Variants in NEGR1 observed in about 807,000 individuals in gnomAD.
NEGR1 encodes the protein neuronal growth regulator 1.
In NEGR1, 10 loss-of-function variants were observed where a neutral mutation model predicts 40.9. That is an observed-to-expected ratio of 0.24 (90% CI 0.15 to 0.42). NEGR1 has a LOEUF of 0.42. Ranked by LOEUF, NEGR1 falls within the 10% of genes least tolerant of loss-of-function variation. NEGR1 has a pLI of 1.00. For synonymous variants in NEGR1, 185 were observed against 166.8 expected (o/e 1.11, Z -0.84); for missense variants, 352 against 438.9 (o/e 0.80, Z 1.77).
chr1:71,796,738 C>T (rs1363443560), intron 2 of NEGR1, among the ~76,000 whole-genome samples: 1 of 152,138 alleles, frequency 6.6e-6, no homozygotes, highest in East Asian at 1.9e-4. Flanking sequence ...TACTTCTTTA[C>T]AATCTCTTTA....
chr1:71,886,916 T>G (rs1256008262), intron 2 of NEGR1, among the ~76,000 whole-genome samples: 1 of 152,136 alleles, frequency 6.6e-6, no homozygotes, highest in African/African-American at 2.4e-5. Flanking sequence ...GTGCAAAATA[T>G]AATTGACCCT....
At chr1:71,762,472 A>C (rs1187994060) in intron 3 of NEGR1, among the ~76,000 whole-genome samples, 2 of 152,094 alleles carry the variant, frequency 1.3e-5, no homozygotes, top group Non-Finnish European at 2.9e-5. Flanking sequence ...CTGAAAAATA[A>C]AAAGATGGAA....
chr1:72,276,767 A>G (rs1656062084), intron 1 of NEGR1, among the ~76,000 whole-genome samples: 1 of 152,172 alleles, frequency 6.6e-6, no homozygotes, highest in Non-Finnish European at 1.5e-5. Context: ...AAATCACAAA[A>G]ACTACCACTT....
chr1:71,730,515 GT>G (rs998539022), intron 3 of NEGR1, among the ~76,000 whole-genome samples: 22 of 143,094 alleles, frequency 1.5e-4, no homozygotes, highest in Non-Finnish European at 2.9e-4. Flanking sequence ...GAATATATAT[GT>G]TTTATATATA....
At chr1:71,773,728 A>C (rs1388045620) in intron 3 of NEGR1, among the ~76,000 whole-genome samples, 1 of 152,156 alleles carries the variant, frequency 6.6e-6, no homozygotes, top group Non-Finnish European at 1.5e-5. Context: ...ATTTATGCTA[A>C]TTTTACTCAT....
intron 4 of NEGR1, among the ~76,000 whole-genome samples, chr1:71,636,406 G>T (rs979441033): frequency 2.6e-5 from 4 of 151,934 alleles, no homozygotes; most frequent in Non-Finnish European, 5.9e-5. Flanking sequence ...CAAAATGGCA[G>T]AAACATTTTT....
chr1:71,993,126 A>G lies in NEGR1; in HGVS notation c.177-57815T>C, dbSNP rs141384091. On this transcript the variant is annotated intron_variant, in intron 1 of 6. Transcript: ENST00000357731. ...TGCTCAGCAGGTTGCTTCATGGCCA[A>G]ATTTGGAGTGGATAACTTTGACAAT... is the stretch of plus-strand genomic sequence containing the variant. Among the ~76,000 whole-genome samples the G allele has an allele frequency of 3.0e-4, 46 of 152,268 alleles. No homozygotes were observed. In the East Asian group the frequency reaches 8.7e-3, roughly 29 times the overall value.
Position 71,670,687 on chromosome 1 carries a change from C to A in NEGR1, c.667+27321G>T, listed in dbSNP as rs570587656. On this transcript the variant is annotated intron_variant, in intron 4 of 6. Transcript: ENST00000357731. The stretch of plus-strand genomic sequence containing the variant: ...ACATGGTTGTGTGCCAGGCTTAATT[C>A]TTCACCAGTATTTTCTTTCTTGGAT... 2.0e-5 allele frequency among the ~76,000 whole-genome samples: 3 copies of A among 152,150 alleles called. No individual in the cohort carries two copies. The South Asian group carries it at 6.2e-4, about 32-fold the overall frequency.
At chr1:71,508,215 C>A (rs1647048685) in intron 6 of NEGR1, among the ~76,000 whole-genome samples, 1 of 152,070 alleles carries the variant, frequency 6.6e-6, no homozygotes, top group Admixed American at 6.5e-5. Context: ...AAGCTCCACC[C>A]AAGCAGGGAA....
chr1:72,217,233 T>C (rs1006854558), intron 1 of NEGR1, among the ~76,000 whole-genome samples: 14 of 151,808 alleles, frequency 9.2e-5, no homozygotes, highest in Non-Finnish European at 1.6e-4. Context: ...ACAGAATAAA[T>C]TGTTAGGTGA....
chr1:71,766,200 T>C (rs1197726755), intron 3 of NEGR1, among the ~76,000 whole-genome samples: 2 of 149,084 alleles, frequency 1.3e-5, no homozygotes. Flanking sequence ...AGAAGAGATC[T>C]GAGTCTTTCT....
chr1:72,276,820 C>T (rs898943290), intron 1 of NEGR1, among the ~76,000 whole-genome samples: 3 of 152,012 alleles, frequency 2.0e-5, no homozygotes, highest in African/African-American at 4.8e-5. Context: ...ACACTTAAAC[C>T]GTTTTGGATA....
At chr1:71,850,722 C>T (rs1659573961) in intron 2 of NEGR1, among the ~76,000 whole-genome samples, 2 of 152,112 alleles carry the variant, frequency 1.3e-5, no homozygotes, top group African/African-American at 4.8e-5. Flanking sequence ...AAAGATTTGG[C>T]ATTGCCTCAT....
intron 1 of NEGR1, among the ~76,000 whole-genome samples, chr1:72,265,781 C>A (rs1438630306): frequency 6.6e-6 from 1 of 150,648 alleles, no homozygotes; most frequent in East Asian, 1.9e-4. Flanking sequence ...TTATACAAAT[C>A]ATAGGACTGT....
At chr1:71,722,511 T>C (rs1654542915) in intron 3 of NEGR1, among the ~76,000 whole-genome samples, 1 of 152,108 alleles carries the variant, frequency 6.6e-6, no homozygotes, top group Non-Finnish European at 1.5e-5. Flanking sequence ...TTTCATTTCC[T>C]ACAGTCAAAA....
chr1:72,064,379 T>C (rs1253897466), intron 1 of NEGR1, among the ~76,000 whole-genome samples: 4 of 152,040 alleles, frequency 2.6e-5, no homozygotes, highest in African/African-American at 9.7e-5. Context: ...CTGAGGATCC[T>C]TTACCTCTGC....
chr1:71,833,060 G>C (rs913299752), intron 2 of NEGR1, among the ~76,000 whole-genome samples: 7 of 151,936 alleles, frequency 4.6e-5, no homozygotes, highest in Non-Finnish European at 1.0e-4. Context: ...CTAAAGTTGT[G>C]ATACAGAGAG....
In NEGR1 at chr1:71,400,346, G is replaced by T. The variant is rs1646238698; in HGVS notation, c.*7100C>A. On this transcript the variant is annotated 3_prime_UTR_variant, in exon 7 of 7. Transcript: ENST00000357731. ...GTTTTTATCATTATCATAGTATTTG[G>T]TTGATGAATTATTGCTATCTCAACT... is the stretch of plus-strand genomic sequence containing the variant. The T allele has an allele frequency of 6.6e-6, 1 of 151,722 alleles. No individual in the cohort carries two copies. Among genetic ancestry groups the T allele is most frequent in the Admixed American group, 6.6e-5 (1 of 15,224 alleles). The allele number at this position is 151,722 out of a possible 1,614,324, so 9.4% of individuals were successfully genotyped here. A position where few individuals can be genotyped will look rare whatever the true frequency, so the allele number is the denominator to read the frequency against.
chr1:71,799,190 C>T (rs1037761266), intron 2 of NEGR1, among the ~76,000 whole-genome samples: 1 of 151,986 alleles, frequency 6.6e-6, no homozygotes, highest in Non-Finnish European at 1.5e-5. Flanking sequence ...GCTATCCCTC[C>T]CCTAGCACTC....
Sources: gnomAD v4.1 joint callset for allele counts (sites outside exome capture counted in the v4.1 genomes callset) on GRCh38, gnomAD v4.1.1 for gene constraint, MANE v1.5 for transcripts, NCBI Gene and HGNC (gene_info 2026-07-23, HGNC 2026-07-21) for gene names.